APC: variants seen among roughly 807,000 people sequenced by gnomAD.
The protein encoded by APC is APC regulator of Wnt signaling pathway.
A neutral mutation model predicts 247.0 loss-of-function variants in APC; 72 were observed. The ratio of observed to expected loss-of-function variants is 0.29; its 90% CI spans 0.24 to 0.35. APC has a LOEUF of 0.35. Ranked by LOEUF, APC falls within the 10% of genes least tolerant of loss-of-function variation. APC has a pLI of 1.00. For synonymous variants in APC, 1,254 were observed against 1,162.5 expected, an observed-to-expected ratio of 1.08 and a Z score of -1.60; for missense variants, 3,400 against 3,360.7, an observed-to-expected ratio of 1.01 and a Z score of -0.29.
At position 112,840,261 on chromosome 5, in the gene APC, C is replaced by T. The variant is rs573468341; in HGVS notation, c.4667C>T (p.Thr1556Ile). ...NENQEKEAEK[T>I]IDSEKDLLDD... is the part of the protein sequence containing the mutation. The stretch of plus-strand genomic sequence containing the variant: ...AACCAAGAGAAAGAGGCAGAAAAAA[C>T]TATTGATTCTGAAAAGGACCTATTA... Residue 1556 changes from threonine to isoleucine, a missense_variant, in exon 16 of 16, where the codon ACT (threonine) becomes ATT (isoleucine). By Grantham distance (89) the Thr-to-Ile change is moderately conservative. Transcript: ENST00000257430. The surrounding 1 kb of genome is among the most constrained non-coding windows in gnomAD (Gnocchi z 4.1). 6.2e-7 allele frequency: 1 copy of T among 1,614,120 alleles called. No homozygotes were observed. The highest frequency in any genetic ancestry group is 8.5e-7 in the Non-Finnish European group (1 of 1,180,016).
intron 9 of APC, among the ~76,000 whole-genome samples, chr5:112,816,207 A>G (rs1762498647): frequency 6.6e-6 from 1 of 152,172 alleles, no homozygotes; most frequent in Admixed American, 6.5e-5. Flanking sequence ...TTGCTTTTTC[A>G]CAAAACATTT....
In APC at chr5:112,839,924, C is replaced by G. The variant is rs1287444666; in HGVS notation, c.4330C>G (p.Gln1444Glu). 2 of 1,613,976 alleles carry G rather than the reference C, an allele frequency of 1.2e-6. No individual in the cohort carries two copies. The highest frequency in any genetic ancestry group is 1.7e-6 in the Non-Finnish European group (2 of 1,180,020). ...AAGTAAAACACCTCCACCACCTCCT[C>G]AAACAGCTCAAACCAAGCGAGAAGT... is the stretch of plus-strand genomic sequence containing the variant. ...SRSKTPPPPPQTAQTKREVPK... is the reference protein window; with the variant it reads ...SRSKTPPPPPETAQTKREVPK... Residue 1444 changes from glutamine to glutamate, a missense_variant, in exon 16 of 16, where the codon CAA (glutamine) becomes GAA (glutamate). Gln to Glu is a conservative substitution (Grantham distance 29, BLOSUM62 2). Around this residue, in one of 9 missense-constraint regions of APC, gnomAD observed 1,788 missense variants for 1,649.5 expected, o/e 1.08. Coordinates refer to ENST00000257430, the MANE Select transcript of APC (RefSeq NM_000038.6). The surrounding 1 kb of genome is among the most constrained non-coding windows in gnomAD (Gnocchi z 5.0).
rs1201670235 is a variant in APC at position 112,844,366 on chromosome 5, T to A, written c.*240T>A. The A allele has an allele frequency of 1.5e-5, 7 of 481,654 alleles. No homozygotes were observed. Among genetic ancestry groups the A allele is most frequent in the Non-Finnish European group, 2.6e-5 (7 of 273,704 alleles). The allele number at this position is 481,654 out of a possible 1,614,324, so 29.8% of individuals were successfully genotyped here. A position where few individuals can be genotyped will look rare whatever the true frequency, so the allele number is the denominator to read the frequency against. Reference sequence around the variant, plus strand: ...TAAAGCCAAGTATGTTTGTACAGTATGTTTTACATGTATTTAAAGTAGCAT... The same window carrying A: ...TAAAGCCAAGTATGTTTGTACAGTAAGTTTTACATGTATTTAAAGTAGCAT... On this transcript the variant is annotated 3_prime_UTR_variant, in exon 16 of 16. Transcript: ENST00000257430.
At chr5:112,794,375 T>C (rs2149690681) in intron 7 of APC, among the ~76,000 whole-genome samples, 1 of 152,314 alleles carries the variant, frequency 6.6e-6, no homozygotes, top group East Asian at 1.9e-4. Flanking sequence ...CCACTGCGCC[T>C]GACCCCTGTT....
chr5:112,720,382 A>T (rs1022390072), intron 1 of APC, among the ~76,000 whole-genome samples: 5 of 152,212 alleles, frequency 3.3e-5, no homozygotes, highest in Non-Finnish European at 7.3e-5. Context: ...GTTAGATTCA[A>T]ATAGCTTTTT....
intron 9 of APC, among the ~76,000 whole-genome samples, chr5:112,818,643 A>T (rs748571872): frequency 2.2e-4 from 33 of 152,186 alleles, no homozygotes; most frequent in Non-Finnish European, 4.4e-4. Context: ...GATTATAGTC[A>T]GTGGATTAGC....
At chr5:112,835,536 C>T in intron 15 of APC, among the ~76,000 whole-genome samples, 1 of 150,758 alleles carries the variant, frequency 6.6e-6, no homozygotes, top group East Asian at 1.9e-4. Flanking sequence ...TAAAGGTTCA[C>T]ATTTTTCTAA....
At chr5:112,834,683 G>A (rs1764671745) in intron 14 of APC, among the ~76,000 whole-genome samples, 1 of 151,858 alleles carries the variant, frequency 6.6e-6, no homozygotes, top group South Asian at 2.1e-4. Context: ...ATTCTAAGAT[G>A]TGTGTACTAT....
At chr5:112,714,995 A>C (rs966526511) in intron 1 of APC, among the ~76,000 whole-genome samples, 6 of 152,184 alleles carry the variant, frequency 3.9e-5, no homozygotes, top group African/African-American at 1.4e-4. Context: ...CCCCTTGGGG[A>C]TGGGAGATGT....
chr5:112,836,313 G>T (rs909250148), intron 15 of APC, among the ~76,000 whole-genome samples: 11 of 152,016 alleles, frequency 7.2e-5, no homozygotes, highest in South Asian at 2.1e-4. Context: ...TTATAGGCAT[G>T]GGCTACTGCG....
At chr5:112,810,399 C>A in intron 8 of APC, 7 of 221,480 alleles carry the variant, frequency 3.2e-5, no homozygotes, top group Non-Finnish European at 5.5e-5. Context: ...AAGTTATATG[C>A]AGTAAGAGAA....
chr5:112,785,536 C>T lies in APC; in HGVS notation c.645+4633C>T, dbSNP rs1758841775. On this transcript the variant is annotated intron_variant, in intron 6 of 15. Transcript: ENST00000257430. The stretch of plus-strand genomic sequence containing the variant: ...TATAAAGTTTATAATGCAAGAATTT[C>T]CAAAAACATTTATGAAAGAACGCAT... Among the ~76,000 whole-genome samples, 3 of 152,018 alleles carry T rather than the reference C, an allele frequency of 2.0e-5. No homozygotes were observed. In the South Asian group the frequency reaches 6.2e-4, roughly 32 times the overall value.
rs1009620926 is a variant in APC, at chr5:112,845,593, G to GAT, written c.*1470_*1471dup. 1 of 232,554 alleles carries GAT rather than the reference G, an allele frequency of 4.3e-6. No homozygotes were observed. Among genetic ancestry groups the GAT allele is most frequent in the Non-Finnish European group, 8.5e-6 (1 of 117,544 alleles). The allele number at this position is 232,554 out of a possible 1,614,324, so 14.4% of individuals were successfully genotyped here. On this transcript the variant is annotated 3_prime_UTR_variant, in exon 16 of 16. Coordinates refer to ENST00000257430, the MANE Select transcript of APC (RefSeq NM_000038.6). The stretch of plus-strand genomic sequence containing the variant: ...TTAGAGGTAGATTTAATACGATTAA[G>GAT]ATATTCAGAAGTATATTTTAGAATC...
At chr5:112,736,129 A>G (rs1474911182), upstream of APC, among the ~76,000 whole-genome samples, 1 of 152,246 alleles carries the variant, frequency 6.6e-6, no homozygotes, top group African/African-American at 2.4e-5. Context: ...TGACTTGTAA[A>G]TAAGTCCTGT....
intron 1 of APC, among the ~76,000 whole-genome samples, chr5:112,727,376 A>G (rs571098130): frequency 6.6e-6 from 1 of 152,306 alleles, no homozygotes; most frequent in South Asian, 2.1e-4. Context: ...ATTAAATATG[A>G]TATTTTAAAA....
intron 1 of APC, among the ~76,000 whole-genome samples, chr5:112,710,311 ATAACT>A (rs1483838685): frequency 6.6e-6 from 1 of 152,108 alleles, no homozygotes; most frequent in African/African-American, 2.4e-5. Context: ...TTTATAGCAA[ATAACT>A]TAATCTCTTC....
intron 4 of APC, among the ~76,000 whole-genome samples, chr5:112,771,966 C>T (rs1459833610): frequency 6.6e-6 from 1 of 152,114 alleles, no homozygotes; most frequent in Non-Finnish European, 1.5e-5. Flanking sequence ...AGAATAACGA[C>T]CTCAAAGGAT....
At position 112,840,590 on chromosome 5, in the gene APC, C is replaced by T. The variant is rs1395041025; in HGVS notation, c.4996C>T (p.Pro1666Ser). 6.2e-7 allele frequency: 1 copy of T among 1,614,102 alleles called. No individual in the cohort carries two copies. The highest frequency in any genetic ancestry group is 8.5e-7 in the Non-Finnish European group (1 of 1,180,002). The change falls in exon 16 of 16, where the codon CCA becomes TCA. Residue 1666 changes from proline (P) to serine (S), a missense_variant. Physicochemically the swap from Pro to Ser is moderately conservative, Grantham distance 74. Around this residue, in one of 9 missense-constraint regions of APC, gnomAD observed 1,788 missense variants for 1,649.5 expected, o/e 1.08. Transcript: ENST00000257430. This position sits in a 1 kb window ranked among gnomAD's most constrained non-coding sequence, Gnocchi z 4.1. ...SLSDLTIESP[P>S]NELAAGEGVR... ...AAGTGATCTAACAATCGAATCCCCT[C>T]CAAATGAGTTAGCTGCTGGAGAAGG...
At chr5:112,770,408 A>T (rs1756904074) in intron 4 of APC, among the ~76,000 whole-genome samples, 1 of 152,154 alleles carries the variant, frequency 6.6e-6, no homozygotes, top group Non-Finnish European at 1.5e-5. Context: ...ATTTCTTTTT[A>T]AAAATATTTA....
Sources: allele counts gnomAD v4.1 joint callset (sites outside exome capture counted in the v4.1 genomes callset), GRCh38; gene constraint gnomAD v4.1.1; regional missense constraint gnomAD v4.1.1; non-coding constraint Gnocchi (gnomAD v3.1); transcripts MANE v1.5; gene names NCBI Gene and HGNC (gene_info 2026-07-23, HGNC 2026-07-21).